The following RHBG variants were observed in gnomAD, a reference collection of about 807,000 sequenced individuals.
The protein encoded by RHBG is ammonium transporter Rh type B.
Under a neutral mutation model 40.1 loss-of-function variants are expected in RHBG, and 39 were observed. That is an observed-to-expected ratio of 0.97 (90% confidence interval 0.75 to 1.27). The LOEUF (loss-of-function observed/expected upper bound fraction) is 1.27. RHBG is among the 50% of genes most tolerant of loss of function. The probability of loss-of-function intolerance (pLI) is 0.00; values close to 1 mark genes in which losing one functional copy is unlikely to be tolerated. For synonymous variants in RHBG, 237 were observed against 252.5 expected (o/e 0.94, Z 0.58); for missense variants, 549 against 588.1 (o/e 0.93, Z 0.69).
At chr1:156,374,808 A>C in intron 1 of RHBG, 1 of 266,762 alleles carries the variant, frequency 3.7e-6, no homozygotes, top group Non-Finnish European at 7.5e-6. Context: ...CTGGTCTTGA[A>C]CTCCCGACCT....
intron 7 of RHBG, chr1:156,382,487 T>G (rs1667726634): frequency 1.6e-6 from 1 of 630,128 alleles, no homozygotes. Context: ...ACATCAAGGG[T>G]GGGCAAAAGC....
chr1:156,384,557 C>CCG lies in RHBG; in HGVS notation c.1266_1267insGC (p.Pro423AlafsTer28). The stretch of plus-strand genomic sequence containing the variant: ...CTGCTGAAGCTACCCTTTCTGGACT[C>CCG]CCCCCCAGACTCCCAGCACTACGAG... On this transcript the variant is annotated frameshift_variant, in exon 9 of 10. Transcript: ENST00000537040. LOFTEE classifies it high-confidence loss of function. The CCG allele has an allele frequency of 6.9e-7, 1 of 1,459,284 alleles. No individual in the cohort carries two copies. Among genetic ancestry groups the CCG allele is most frequent in the Middle Eastern group, 1.8e-4 (1 of 5,700 alleles). The allele number at this position is 1,459,284 out of a possible 1,614,324, so 90.4% of individuals were successfully genotyped here.
chr1:156,381,631 C>T (rs967473424), intron 5 of RHBG, 118 bp downstream of exon 5: 1 of 1,388,104 alleles, frequency 7.2e-7, no homozygotes, highest in East Asian at 2.3e-5. Context: ...CATAGGGGCT[C>T]CATCTGTGCT....
In RHBG at chr1:156,378,418, G is replaced by C; in HGVS notation, c.673+19G>C. ...ATGATTGGTGAGGCCTTCGAGGTGCGGTAGCAGGGCAGGGGGCTGGTCTGG... is the reference window on the plus strand; with the variant it reads ...ATGATTGGTGAGGCCTTCGAGGTGCCGTAGCAGGGCAGGGGGCTGGTCTGG... On this transcript the variant is annotated intron_variant, in intron 4 of 9. Transcript: ENST00000537040. 6.3e-7 allele frequency: 1 copy of C among 1,574,970 alleles called. No homozygotes were observed. Among genetic ancestry groups the C allele is most frequent in the East Asian group, 2.2e-5 (1 of 44,462 alleles).
At chr1:156,383,515 ATCCG>A (rs1667818338) in intron 8 of RHBG, among the ~76,000 whole-genome samples, 1 of 152,040 alleles carries the variant, frequency 6.6e-6, no homozygotes, top group Non-Finnish European at 1.5e-5. Flanking sequence ...ACCTTAGGTG[ATCCG>A]CCCGCCTCGG....
chr1:156,369,761 C>G (rs1666715517), intron 1 of RHBG, among the ~76,000 whole-genome samples: 1 of 152,188 alleles, frequency 6.6e-6, no homozygotes, highest in Non-Finnish European at 1.5e-5. Context: ...AGAGCCCCAG[C>G]TTTAACCATC....
intron 9 of RHBG, 71 bp from the exon 10 acceptor site, chr1:156,384,706 G>T: frequency 6.4e-7 from 1 of 1,562,174 alleles, no homozygotes; most frequent in Non-Finnish European, 8.8e-7. Context: ...CTCCTCTGGG[G>T]TACACCCCTG....
chr1:156,384,880 T>A lies in RHBG; in HGVS notation c.*35T>A. 7.2e-7 allele frequency: 1 copy of A among 1,384,726 alleles called. No individual in the cohort carries two copies. The highest frequency in any genetic ancestry group is 1.2e-5 in the South Asian group (1 of 83,014). 85.8% of individuals were successfully genotyped at this position (1,384,726 alleles called of 1,614,324 possible). ...AGCCCCTGAGAGGACACGCTCCTTT[T>A]CGAAGATGCTGACTGGCTGCTACTA... On this transcript the variant is annotated 3_prime_UTR_variant, in exon 10 of 10. Coordinates refer to ENST00000537040, the MANE Select transcript of RHBG (RefSeq NM_020407.5).
At position 156,369,260 on chromosome 1, in the gene RHBG, C is replaced by T; in HGVS notation, c.11C>T (p.Ser4Phe). The T allele has an allele frequency of 6.2e-7, 1 of 1,613,076 alleles. No homozygotes were observed. The highest frequency in any genetic ancestry group is 1.1e-5 in the South Asian group (1 of 91,004). MAGSPSRAAGRRLQ... is the reference protein window; with the variant it reads MAGFPSRAAGRRLQ... ...ATCGCAGCCCAACCCATGGCCGGGT[C>T]TCCTAGCCGCGCCGCGGGCCGGCGA... The change falls in exon 1 of 10, where the codon TCT becomes TTT. Residue 4 changes from serine to phenylalanine, a missense_variant. By Grantham distance (155) the Ser-to-Phe change is radical (BLOSUM62 -2). Around this residue, in one of 3 missense-constraint regions of RHBG, gnomAD observed 99 missense variants for 85.2 expected, o/e 1.16. Transcript: ENST00000537040.
rs1156323079 is a variant in RHBG at position 156,384,966 on chromosome 1, AG to A, written c.*123del. On this transcript the variant is annotated 3_prime_UTR_variant, in exon 10 of 10. Coordinates refer to ENST00000537040, the MANE Select transcript of RHBG (RefSeq NM_020407.5). ...AAGAAGGGAGCCATGAGCCAGAAGG[AG>A]GCCCCTTTCCACAGGCAGCGTCTCC... 85 of 656,436 alleles carry A rather than the reference AG, an allele frequency of 1.3e-4. 1 individual carries two copies. The East Asian group carries it at 2.3e-3, about 18-fold the overall frequency. The allele number at this position is 656,436 out of a possible 1,614,324, so 40.7% of individuals were successfully genotyped here. A position where few individuals can be genotyped will look rare whatever the true frequency, so the allele number is the denominator to read the frequency against.
At chr1:156,375,968 T>TTAAGA (rs1667167117) in intron 1 of RHBG, among the ~76,000 whole-genome samples, 1 of 152,064 alleles carries the variant, frequency 6.6e-6, no homozygotes, top group African/African-American at 2.4e-5. Flanking sequence ...CTAGTCTTAA[T>TTAAGA]CTACTGACCT....
chr1:156,370,264 T>G (rs181850252), intron 1 of RHBG, among the ~76,000 whole-genome samples: 4 of 152,000 alleles, frequency 2.6e-5, no homozygotes, highest in African/African-American at 7.2e-5. Flanking sequence ...CTAGCCAACA[T>G]AGTGAAACTC....
chr1:156,382,295 A>AATTC (rs1326035262), intron 7 of RHBG, 94 bp downstream of exon 7: 6 of 1,577,128 alleles, frequency 3.8e-6, no homozygotes, highest in Admixed American at 1.7e-5. Context: ...AAAAAGAATG[A>AATTC]ATTCATTCAT....
In RHBG at chr1:156,382,144, G is replaced by A; in HGVS notation, c.1055G>A (p.Gly352Glu). The change falls in exon 7 of 10, where the codon GGG (glycine) becomes GAG (glutamate). Residue 352 changes from glycine to glutamate, a missense_variant. By Grantham distance (98) the Gly-to-Glu change is moderately conservative. Around this residue, in one of 3 missense-constraint regions of RHBG, gnomAD observed 399 missense variants for 417.0 expected, o/e 0.96. Coordinates refer to ENST00000537040, the MANE Select transcript of RHBG (RefSeq NM_020407.5). ...HNLHGMPGVLGALLGVLVAGL... is the reference protein window; with the variant it reads ...HNLHGMPGVLEALLGVLVAGL... ...CTCCATGGGATGCCGGGGGTCCTGG[G>A]GGCCCTCCTGGGGGTCCTTGTGGCT... is the stretch of plus-strand genomic sequence containing the variant. The A allele has an allele frequency of 1.2e-6, 2 of 1,614,100 alleles. No individual in the cohort carries two copies. Among genetic ancestry groups the A allele is most frequent in the Non-Finnish European group, 1.7e-6 (2 of 1,179,992 alleles).
At chr1:156,375,284 G>A (rs1667111661) in intron 1 of RHBG, among the ~76,000 whole-genome samples, 1 of 152,012 alleles carries the variant, frequency 6.6e-6, no homozygotes, top group Non-Finnish European at 1.5e-5. Flanking sequence ...TATTGGCCAG[G>A]CTGGTCTTGA....
At chr1:156,379,122 G>A (rs1187377447) in intron 4 of RHBG, among the ~76,000 whole-genome samples, 3 of 151,892 alleles carry the variant, frequency 2.0e-5, no homozygotes, top group South Asian at 4.1e-4. Context: ...ATCCTCCCGA[G>A]TAGCTGGGAT....
chr1:156,369,569 T>C, intron 1 of RHBG, 133 bp downstream of exon 1: 1 of 999,160 alleles, frequency 1.0e-6, no homozygotes, highest in East Asian at 2.7e-5. Context: ...GGAGGGGCTC[T>C]GGGTTTAAAA....
chr1:156,378,108 A>C lies in RHBG; in HGVS notation c.493A>C (p.Ile165Leu). 3.1e-6 allele frequency: 5 copies of C among 1,611,496 alleles called. No individual in the cohort carries two copies. The highest frequency in any genetic ancestry group is 4.2e-6 in the Non-Finnish European group (5 of 1,179,024). ...CCTGCTGGAGGTGGTGCTGTTTGGC[A>C]TCAATGAGTTTGTGCTCCTTCATCT... ...MALLEVVLFG[I>L]NEFVLLHLLG... Residue 165 changes from isoleucine (I) to leucine (L), a missense_variant, in exon 3 of 10, where the codon ATC becomes CTC. Coordinates refer to ENST00000537040, the MANE Select transcript of RHBG (RefSeq NM_020407.5).
At position 156,377,625 on chromosome 1, in the gene RHBG, T is replaced by C; in HGVS notation, c.374+138T>C. The C allele has an allele frequency of 1.1e-6, 1 of 877,800 alleles. No homozygotes were observed. The highest frequency in any genetic ancestry group is 2.7e-5 in the East Asian group (1 of 37,586). The allele number at this position is 877,800 out of a possible 1,614,324, so 54.4% of individuals were successfully genotyped here. ...CGTCACTTGGTTTCTCTAGGTGTCCTGCCTGTCCTTATTGCCTGACTTCCT... is the reference window on the plus strand; with the variant it reads ...CGTCACTTGGTTTCTCTAGGTGTCCCGCCTGTCCTTATTGCCTGACTTCCT... On this transcript the variant is annotated intron_variant, in intron 2 of 9. Coordinates refer to ENST00000537040, the MANE Select transcript of RHBG (RefSeq NM_020407.5). This position sits in a 1 kb window ranked among gnomAD's most constrained non-coding sequence, Gnocchi z 4.6.
Sources: gnomAD v4.1 joint callset for allele counts (sites outside exome capture counted in the v4.1 genomes callset) on GRCh38, gnomAD v4.1.1 for gene constraint, gnomAD v4.1.1 regional missense constraint, Gnocchi (gnomAD v3.1) non-coding constraint, MANE v1.5 for transcripts, NCBI Gene and HGNC (gene_info 2026-07-23, HGNC 2026-07-21) for gene names.